MLLT3: variants seen among roughly 807,000 people sequenced by gnomAD.
The protein encoded by MLLT3 is protein AF-9.
MLLT3 carries 4 observed loss-of-function variants against 53.2 expected under a neutral mutation model. The observed-to-expected ratio is 0.08, with a 90% confidence interval of 0.04 to 0.17. The LOEUF (loss-of-function observed/expected upper bound fraction) is 0.17. MLLT3 is among the 10% of genes least tolerant of loss of function. The probability of loss-of-function intolerance (pLI) is 1.00; values close to 1 mark genes in which losing one functional copy is unlikely to be tolerated. For missense variants in MLLT3, 569 were observed against 684.0 expected (o/e 0.83, Z 1.87); for synonymous variants, 283 against 230.6 (o/e 1.23, Z -2.06).
intron 2 of MLLT3, among the ~76,000 whole-genome samples, chr9:20,464,082 A>T (rs968770662): frequency 6.6e-6 from 1 of 152,042 alleles, no homozygotes; most frequent in Non-Finnish European, 1.5e-5. Context: ...AGCAGAAAAA[A>T]CAAACCTTGG....
At chr9:20,558,955 C>A (rs528570014) in intron 2 of MLLT3, among the ~76,000 whole-genome samples, 24 of 152,256 alleles carry the variant, frequency 1.6e-4, no homozygotes, top group African/African-American at 4.1e-4. Flanking sequence ...GGTGAAGGGT[C>A]TGAATCACCC....
At chr9:20,366,471 T>C (rs934672331) in intron 5 of MLLT3, among the ~76,000 whole-genome samples, 17 of 152,210 alleles carry the variant, frequency 1.1e-4, no homozygotes, top group Non-Finnish European at 2.2e-4. Context: ...TGGTTCCAAG[T>C]CTTTGCTATT....
intron 2 of MLLT3, among the ~76,000 whole-genome samples, chr9:20,604,223 C>T (rs1015986456): frequency 1.6e-4 from 25 of 152,080 alleles, no homozygotes; most frequent in Non-Finnish European, 2.9e-4. Flanking sequence ...AACATTATGA[C>T]ATCAATTCCA....
At chr9:20,466,302 C>A (rs1824236627) in intron 2 of MLLT3, among the ~76,000 whole-genome samples, 1 of 152,042 alleles carries the variant, frequency 6.6e-6, no homozygotes, top group South Asian at 2.1e-4. Context: ...ATTTTTGAGC[C>A]ATTTTGGATT....
intron 8 of MLLT3, among the ~76,000 whole-genome samples, chr9:20,358,732 A>T (rs1299643545): frequency 6.6e-6 from 1 of 152,106 alleles, no homozygotes; most frequent in Non-Finnish European, 1.5e-5. Context: ...GAGATGAGTG[A>T]GGGGCACAAA....
At chr9:20,617,489 T>C (rs1820860703) in intron 2 of MLLT3, among the ~76,000 whole-genome samples, 1 of 152,274 alleles carries the variant, frequency 6.6e-6, no homozygotes, top group Admixed American at 6.5e-5. Flanking sequence ...TGAAACAAAT[T>C]GCAATAGTAA....
intron 6 of MLLT3, among the ~76,000 whole-genome samples, chr9:20,365,063 TC>T (rs1408683031): frequency 6.6e-6 from 1 of 152,166 alleles, no homozygotes; most frequent in Non-Finnish European, 1.5e-5. Context: ...AAAACCTATT[TC>T]CCTATGTCAA....
chr9:20,592,727 C>T (rs1820159897), intron 2 of MLLT3, among the ~76,000 whole-genome samples: 3 of 152,128 alleles, frequency 2.0e-5, no homozygotes, highest in African/African-American at 7.2e-5. Flanking sequence ...TAAATAAATA[C>T]TCACAAGCAA....
intron 10 of MLLT3, among the ~76,000 whole-genome samples, chr9:20,352,814 G>A (rs146640948): frequency 3.5e-4 from 53 of 149,868 alleles, no homozygotes; most frequent in South Asian, 1.7e-3. Flanking sequence ...TTCAAACAGC[G>A]AAACAATCTA....
rs143921587 is a variant in MLLT3 at position 20,353,112 on chromosome 9, AG to A, written c.1575+412del. 5.9e-3 allele frequency among the ~76,000 whole-genome samples: 893 copies of A among 152,268 alleles called. 12 individuals carry two copies. Among genetic ancestry groups the A allele is most frequent in the African/African-American group, 0.021 (857 of 41,554 alleles). On this transcript the variant is annotated intron_variant, in intron 10 of 10. Coordinates refer to ENST00000380338, the MANE Select transcript of MLLT3 (RefSeq NM_004529.4). ...ATTTTCCTTAGAATATCATTGGCAAAGGTTACTAAATTGAATCACAAATGTT... is the reference window on the plus strand; with the variant it reads ...ATTTTCCTTAGAATATCATTGGCAAAGTTACTAAATTGAATCACAAATGTT...
chr9:20,445,455 A>T (rs758787154), intron 4 of MLLT3, among the ~76,000 whole-genome samples: 2 of 152,118 alleles, frequency 1.3e-5, no homozygotes, highest in Non-Finnish European at 2.9e-5. Context: ...TCTCCCAAAA[A>T]AGTTGTTATA....
chr9:20,393,339 T>G (rs908530326), intron 5 of MLLT3, among the ~76,000 whole-genome samples: 2 of 152,170 alleles, frequency 1.3e-5, no homozygotes, highest in Non-Finnish European at 2.9e-5. Flanking sequence ...GGAAACACTA[T>G]AGGACTTACC....
In MLLT3 at chr9:20,413,892, G is replaced by A; in HGVS notation, c.954C>T (p.Leu318=). 1 of 1,614,096 alleles carries A rather than the reference G, an allele frequency of 6.2e-7. No individual in the cohort carries two copies. Among genetic ancestry groups the A allele is most frequent in the Non-Finnish European group, 8.5e-7 (1 of 1,180,028 alleles). The change falls in exon 5 of 11, where the codon CTC becomes CTT. Residue 318 remains leucine, a synonymous_variant. Transcript: ENST00000380338. Reference sequence around the variant, plus strand: ...TCTGTTTTTTGTCAGCAGAACAAGTGAGTATCAGTGGTGGTGCGCTAGAAA... The same window carrying A: ...TCTGTTTTTTGTCAGCAGAACAAGTAAGTATCAGTGGTGGTGCGCTAGAAA... ...KSFSSAPPLI[L]TCSADKKQIK...
chr9:20,457,895 G>T (rs911308866), intron 2 of MLLT3, among the ~76,000 whole-genome samples: 1 of 152,124 alleles, frequency 6.6e-6, no homozygotes, highest in Admixed American at 6.5e-5. Context: ...CATTTTGGTG[G>T]TATCACAAAG....
rs1259229651 is a variant in MLLT3, at chr9:20,620,584, G to C, written c.193+70C>G. The C allele has an allele frequency of 2.7e-5, 39 of 1,461,744 alleles. No individual in the cohort carries two copies. The East Asian group carries it at 5.4e-4, about 20-fold the overall frequency. 90.5% of individuals were successfully genotyped at this position (1,461,744 alleles called of 1,614,324 possible). On this transcript the variant is annotated intron_variant, in intron 2 of 10. Transcript: ENST00000380338. The surrounding 1 kb of genome is among the most constrained non-coding windows in gnomAD (Gnocchi z 6.1). Reference sequence around the variant, plus strand: ...CGCGGGGGGCGGGGAGCGGGACAGCGGGACCGCCCGGGCCAAGCGATTGTT... The same window carrying C: ...CGCGGGGGGCGGGGAGCGGGACAGCCGGACCGCCCGGGCCAAGCGATTGTT...
At chr9:20,378,481 A>G (rs1316357706) in intron 5 of MLLT3, among the ~76,000 whole-genome samples, 4 of 152,078 alleles carry the variant, frequency 2.6e-5, no homozygotes, top group Admixed American at 6.5e-5. Context: ...TATACTGTAC[A>G]CAGAGTTCCT....
intron 5 of MLLT3, among the ~76,000 whole-genome samples, chr9:20,408,991 T>C (rs1822656772): frequency 6.6e-6 from 1 of 152,156 alleles, no homozygotes; most frequent in African/African-American, 2.4e-5. Context: ...GAGATTTTGT[T>C]TTTCTCCTTC....
chr9:20,513,405 T>C (rs1489933217), intron 2 of MLLT3, among the ~76,000 whole-genome samples: 1 of 152,022 alleles, frequency 6.6e-6, no homozygotes, highest in African/African-American at 2.4e-5. Context: ...GTACGACAAA[T>C]TGGTGAGAGG....
chr9:20,386,554 G>C (rs572501671), intron 5 of MLLT3, among the ~76,000 whole-genome samples: 3 of 152,292 alleles, frequency 2.0e-5, no homozygotes, highest in African/African-American at 7.2e-5. Flanking sequence ...TGCAGAATTG[G>C]ATAAAGCCTA....
Sources: gnomAD v4.1 joint callset for allele counts (sites outside exome capture counted in the v4.1 genomes callset) on GRCh38, gnomAD v4.1.1 for gene constraint, Gnocchi (gnomAD v3.1) non-coding constraint, MANE v1.5 for transcripts, NCBI Gene and HGNC (gene_info 2026-07-23, HGNC 2026-07-21) for gene names.